YME1L1: variants seen among roughly 807,000 people sequenced by gnomAD.
YME1L1 encodes the protein YME1 like 1 ATPase, also known as ATP-dependent zinc metalloprotease YME1L1.
A neutral mutation model predicts 90.4 loss-of-function variants in YME1L1; 39 were observed. That is an observed-to-expected ratio of 0.43 (90% CI 0.33 to 0.56). The LOEUF is 0.56. YME1L1 is among the 20% of genes least tolerant of loss of function. The probability of loss-of-function intolerance (pLI) is 0.03; values close to 1 mark genes in which losing one functional copy is unlikely to be tolerated. For synonymous variants in YME1L1, 284 were observed against 287.3 expected, an observed-to-expected ratio of 0.99 and a Z score of 0.12; for missense variants, 617 against 868.4, an observed-to-expected ratio of 0.71 and a Z score of 3.64.
At chr10:27,125,257 T>C (rs1021295071) in intron 9 of YME1L1, among the ~76,000 whole-genome samples, 3 of 152,076 alleles carry the variant, frequency 2.0e-5, no homozygotes, top group African/African-American at 7.2e-5. Context: ...AATGGTTAAA[T>C]TGTGATACAA....
Position 27,123,517 on chromosome 10 carries a change from G to T in YME1L1, c.1102+30C>A, listed in dbSNP as rs775586726. 5 of 1,604,662 alleles carry T rather than the reference G, an allele frequency of 3.1e-6. No individual in the cohort carries two copies. The East Asian group carries it at 1.1e-4, about 36-fold the overall frequency. ...TACACACTTCCCTTAACAAAATTTA[G>T]CACTGCATCAAAGATACACCAAAAC... On this transcript the variant is annotated intron_variant, in intron 10 of 18. Transcript: ENST00000376016.
intron 1 of YME1L1, among the ~76,000 whole-genome samples, chr10:27,149,995 G>C (rs1173462916): frequency 6.6e-6 from 1 of 152,018 alleles, no homozygotes; most frequent in East Asian, 1.9e-4. Flanking sequence ...AGAATCACTC[G>C]AACCTGGGAG....
In YME1L1 at chr10:27,123,644, C is replaced by T. The variant is rs1163499014; in HGVS notation, c.1005G>A (p.Val335=). The T allele has an allele frequency of 6.2e-7, 1 of 1,613,710 alleles. No individual in the cohort carries two copies. The highest frequency in any genetic ancestry group is 1.3e-5 in the African/African-American group (1 of 74,888). The change falls in exon 10 of 19, where the codon GTG becomes GTA. Residue 335 remains valine, a synonymous_variant. Coordinates refer to ENST00000376016, the MANE Select transcript of YME1L1 (RefSeq NM_014263.4). Reference sequence around the variant, plus strand: ...AAAAAGGAACATCAGCTTCTCCCGCCACAGCTCGGGCAAGAAGTGTCTTTC... The same window carrying T: ...AAAAAGGAACATCAGCTTCTCCCGCTACAGCTCGGGCAAGAAGTGTCTTTC... ...GTGKTLLARA[V]AGEADVPFYY...
rs2057010107 is a variant in YME1L1, at chr10:27,134,812, T to C, written c.691+19A>G. 1.9e-6 allele frequency: 3 copies of C among 1,611,884 alleles called. No homozygotes were observed. Among genetic ancestry groups the C allele is most frequent in the South Asian group, 1.1e-5 (1 of 91,026 alleles). On this transcript the variant is annotated intron_variant, in intron 6 of 18. Transcript: ENST00000376016. ...TTCAGTTACTCTTCTCAAACACGGA[T>C]GGTGTCAATTCAACTTACCATTGGT... is the stretch of plus-strand genomic sequence containing the variant.
At chr10:27,123,787 T>C in intron 9 of YME1L1, 88 bp from the exon 10 acceptor site, 1 of 1,363,332 alleles carries the variant, frequency 7.3e-7, no homozygotes, top group Non-Finnish European at 9.8e-7. Flanking sequence ...TATTCATTTA[T>C]ATAATTTTCA....
chr10:27,130,726 G>A (rs2056967291), intron 8 of YME1L1, among the ~76,000 whole-genome samples: 1 of 152,186 alleles, frequency 6.6e-6, no homozygotes, highest in South Asian at 2.1e-4. Context: ...GGTGGCTCGT[G>A]CCTGTAATCC....
intron 16 of YME1L1, 33 bp downstream of exon 16, chr10:27,116,186 T>C (rs2056811080): frequency 6.2e-7 from 1 of 1,613,770 alleles, no homozygotes; most frequent in African/African-American, 1.3e-5. Context: ...AGACCACATA[T>C]AATTTGAACT....
chr10:27,150,920 C>CTTTTTTTT (rs142259641), intron 1 of YME1L1, among the ~76,000 whole-genome samples: 2 of 87,658 alleles, frequency 2.3e-5, no homozygotes, highest in Non-Finnish European at 4.6e-5. Flanking sequence ...ACTCTCTCGC[C>CTTTTTTTT]TTTTTTTTTT....
chr10:27,120,494 T>C lies in YME1L1; in HGVS notation c.1352A>G (p.Asp451Gly), dbSNP rs1316505532. ...FDMQVTVPRP[D>G]VKGRTEILKW... The stretch of plus-strand genomic sequence containing the variant: ...CAAAATTTCTGTTCGACCTTTTACA[T>C]CTGGCCTTGGAACTGTAACTTGCAT... The change falls in exon 13 of 19, where the codon GAT becomes GGT. Residue 451 changes from aspartate (D) to glycine (G), a missense_variant. Around this residue, in one of 4 missense-constraint regions of YME1L1, gnomAD observed 212 missense variants for 330.0 expected, o/e 0.64. Transcript: ENST00000376016. The C allele has an allele frequency of 6.2e-7, 1 of 1,613,908 alleles. No individual in the cohort carries two copies. The highest frequency in any genetic ancestry group is 2.2e-5 in the East Asian group (1 of 44,864).
chr10:27,134,167 A>G (rs757150288), intron 6 of YME1L1, 45 bp from the exon 7 acceptor site: 1 of 1,368,828 alleles, frequency 7.3e-7, no homozygotes. Flanking sequence ...CATTTATGAA[A>G]TATGACAGCT....
At chr10:27,130,135 T>C (rs2056962073) in intron 8 of YME1L1, among the ~76,000 whole-genome samples, 1 of 152,220 alleles carries the variant, frequency 6.6e-6, no homozygotes, top group African/African-American at 2.4e-5. Context: ...AATGACCTAC[T>C]GCTAAATCAA....
At chr10:27,125,851 C>A (rs1258701255) in intron 9 of YME1L1, among the ~76,000 whole-genome samples, 1 of 151,960 alleles carries the variant, frequency 6.6e-6, no homozygotes, top group Non-Finnish European at 1.5e-5. Flanking sequence ...GTTGGCCAGG[C>A]TGGTTGGAAC....
chr10:27,121,475 T>A, intron 11 of YME1L1, 27 bp from the exon 12 acceptor site: 1 of 1,452,582 alleles, frequency 6.9e-7, no homozygotes, highest in Non-Finnish European at 9.7e-7. Context: ...ATAGTATCTT[T>A]TACTAACACT....
chr10:27,113,641 C>T (rs2135835468), intron 18 of YME1L1, among the ~76,000 whole-genome samples: 1 of 149,136 alleles, frequency 6.7e-6, no homozygotes, highest in East Asian at 2.0e-4. Context: ...TACTGCACTC[C>T]AGCCTGGGCA....
chr10:27,131,843 A>C lies in YME1L1; in HGVS notation c.858+16T>G, dbSNP rs766088918. On this transcript the variant is annotated intron_variant, in intron 8 of 18. Transcript: ENST00000376016. Reference sequence around the variant, plus strand: ...AGAGGATGTATGAAGAAGGCAAGGCAATCTTCTTAACTTACCCCTTTAACA... The same window carrying C: ...AGAGGATGTATGAAGAAGGCAAGGCCATCTTCTTAACTTACCCCTTTAACA... The C allele has an allele frequency of 6.3e-7, 1 of 1,590,692 alleles. No homozygotes were observed. Among genetic ancestry groups the C allele is most frequent in the Non-Finnish European group, 8.6e-7 (1 of 1,166,284 alleles).
rs1396186602 is a variant in YME1L1 at position 27,120,486 on chromosome 10, C to T, written c.1360G>A (p.Gly454Ser). The T allele has an allele frequency of 6.2e-7, 1 of 1,613,422 alleles. No individual in the cohort carries two copies. The highest frequency in any genetic ancestry group is 8.5e-7 in the Non-Finnish European group (1 of 1,179,702). Residue 454 changes from glycine (G) to serine (S), a missense_variant, in exon 13 of 19, where the codon GGT becomes AGT. Transcript: ENST00000376016. ...QVTVPRPDVK[G>S]RTEILKWYLN... ...TACCATTTCAAAATTTCTGTTCGAC[C>T]TTTTACATCTGGCCTTGGAACTGTA...
chr10:27,148,314 T>C (rs1256513792), intron 2 of YME1L1, among the ~76,000 whole-genome samples: 1 of 152,186 alleles, frequency 6.6e-6, no homozygotes, highest in Non-Finnish European at 1.5e-5. Flanking sequence ...GCTATTCTCT[T>C]GTCTCAGCCT....
intron 9 of YME1L1, among the ~76,000 whole-genome samples, chr10:27,124,311 CAG>C (rs1392236315): frequency 6.6e-6 from 1 of 152,108 alleles, no homozygotes; most frequent in African/African-American, 2.4e-5. Context: ...GCAAATATGA[CAG>C]AATGTTAACA....
intron 7 of YME1L1, among the ~76,000 whole-genome samples, chr10:27,132,718 C>A (rs1022905815): frequency 3.3e-4 from 50 of 152,038 alleles, no homozygotes; most frequent in African/African-American, 1.2e-3. Context: ...ACTCGGGAGG[C>A]TGAGGCAGTG....
Sources: allele counts gnomAD v4.1 joint callset (sites outside exome capture counted in the v4.1 genomes callset), GRCh38; gene constraint gnomAD v4.1.1; regional missense constraint gnomAD v4.1.1; transcripts MANE v1.5; gene names NCBI Gene and HGNC (gene_info 2026-07-23, HGNC 2026-07-21).